Variants in BTBD8 observed in about 807,000 individuals in gnomAD.
BTBD8 encodes BTB domain containing 8, also known as BTB/POZ domain-containing protein 8.
BTBD8 carries 110 observed loss-of-function variants against 162.9 expected under a neutral mutation model. The observed-to-expected ratio is 0.68, with a 90% confidence interval of 0.58 to 0.79. The LOEUF (loss-of-function observed/expected upper bound fraction) is 0.79. Among genes scored for constraint, BTBD8 ranks in the 30% least tolerant of loss-of-function variants. BTBD8 has a pLI of 0.00. For synonymous variants in BTBD8, 667 were observed against 716.1 expected, an observed-to-expected ratio of 0.93 and a Z score of 1.10; for missense variants, 1,905 against 2,085.4, an observed-to-expected ratio of 0.91 and a Z score of 1.68.
chr1:92,089,768 T>C (rs560491152), intron 2 of BTBD8, among the ~76,000 whole-genome samples: 22 of 152,174 alleles, frequency 1.4e-4, no homozygotes, highest in South Asian at 1.2e-3. Flanking sequence ...TACCACCACA[T>C]TGGGGATTAA....
rs546833687 is a variant in BTBD8 at position 92,099,525 on chromosome 1, G to A, written c.348-2948G>A. ...TTAACAATATTAAGTCATCTAATCCGTGAACACGAGATGTGTTTCCATTTA... is the reference window on the plus strand; with the variant it reads ...TTAACAATATTAAGTCATCTAATCCATGAACACGAGATGTGTTTCCATTTA... On this transcript the variant is annotated intron_variant, in intron 2 of 17. Transcript: ENST00000636805. Among the ~76,000 whole-genome samples the A allele has an allele frequency of 6.0e-4, 91 of 151,670 alleles. 1 individual carries two copies. The highest frequency in any genetic ancestry group is 1.7e-3 in the African/African-American group (70 of 41,368).
At position 92,156,395 on chromosome 1, in the gene BTBD8, A is replaced by G. The variant is rs150929870; in HGVS notation, c.1122+8609A>G. ...CCTATAATTTTTCTTTTCTTGTGGT[A>G]TTCTTATGTGGCTTTGGTGTCAGAG... On this transcript the variant is annotated intron_variant, in intron 9 of 17. Coordinates refer to ENST00000636805, the MANE Select transcript of BTBD8 (RefSeq NM_001376131.1). Among the ~76,000 whole-genome samples the G allele has an allele frequency of 1.1e-4, 16 of 152,194 alleles. No homozygotes were observed. The East Asian group carries it at 3.1e-3, about 29-fold the overall frequency.
chr1:92,091,036 T>G (rs1648281422), intron 2 of BTBD8, among the ~76,000 whole-genome samples: 2 of 152,222 alleles, frequency 1.3e-5, no homozygotes, highest in Non-Finnish European at 2.9e-5. Context: ...TCTAGGGTTT[T>G]GAAGATTTAC....
At position 92,181,961 on chromosome 1, in the gene BTBD8, T is replaced by A; in HGVS notation, c.4278T>A (p.Arg1426=). The change falls in exon 17 of 18, where the codon CGT becomes CGA. Residue 1426 remains arginine, a synonymous_variant. Transcript: ENST00000636805. Reference sequence around the variant, plus strand: ...AAGATGCAACTGAAAATGAATGTCGTGAATTTTCTGCAACTAAAAAGTTTA... The same window carrying A: ...AAGATGCAACTGAAAATGAATGTCGAGAATTTTCTGCAACTAAAAAGTTTA... ...AFEDATENEC[R]EFSATKKFKR... 1.3e-6 allele frequency: 2 copies of A among 1,551,662 alleles called. No homozygotes were observed. The highest frequency in any genetic ancestry group is 1.7e-6 in the Non-Finnish European group (2 of 1,146,940).
At chr1:92,172,812 G>C (rs1444663985) in intron 13 of BTBD8, among the ~76,000 whole-genome samples, 2 of 152,216 alleles carry the variant, frequency 1.3e-5, no homozygotes, top group African/African-American at 4.8e-5. Context: ...GAGAAACTGG[G>C]AGACTGGAGT....
chr1:92,127,435 C>T (rs186774729), intron 4 of BTBD8, among the ~76,000 whole-genome samples: 225 of 152,208 alleles, frequency 1.5e-3, no homozygotes, highest in African/African-American at 5.0e-3. Context: ...TCAGTTGGAA[C>T]GAAAGTCATA....
intron 2 of BTBD8, among the ~76,000 whole-genome samples, chr1:92,095,128 C>G (rs1648411756): frequency 6.6e-6 from 1 of 152,150 alleles, no homozygotes. Context: ...AGTACATGGA[C>G]CCACCTATAT....
intron 1 of BTBD8, among the ~76,000 whole-genome samples, chr1:92,086,954 C>T (rs1278856422): frequency 1.3e-5 from 2 of 152,126 alleles, no homozygotes; most frequent in Admixed American, 1.3e-4. Flanking sequence ...TAGGTGAATA[C>T]AGTAGTGGGC....
At chr1:92,138,370 A>C (rs1649683470) in intron 5 of BTBD8, among the ~76,000 whole-genome samples, 1 of 152,244 alleles carries the variant, frequency 6.6e-6, no homozygotes, top group Non-Finnish European at 1.5e-5. Flanking sequence ...CAAAGGTGTC[A>C]CTATCTCTCA....
In BTBD8 at chr1:92,088,523, G is replaced by A. The variant is rs533198608; in HGVS notation, c.150-175G>A. Among the ~76,000 whole-genome samples, 3 of 152,190 alleles carry A rather than the reference G, an allele frequency of 2.0e-5. No individual in the cohort carries two copies. In the South Asian group the frequency reaches 6.2e-4, roughly 32 times the overall value. ...TGAATTTTAGAAAATTAGGCTCTAA[G>A]CCAATGTTAAACAATGTTTTTTGGA... is the stretch of plus-strand genomic sequence containing the variant. On this transcript the variant is annotated intron_variant, in intron 1 of 17. Coordinates refer to ENST00000636805, the MANE Select transcript of BTBD8 (RefSeq NM_001376131.1).
At chr1:92,156,517 C>CAGAATTCAGTAATGAAGCCATCAGT in intron 9 of BTBD8, among the ~76,000 whole-genome samples, 2 of 152,070 alleles carry the variant, frequency 1.3e-5, no homozygotes, top group Admixed American at 6.5e-5. Flanking sequence ...CTTTAACTAG[C>CAGAATTCAGTAATGAAGCCATCAGT]AGAATTCAGT....
Position 92,181,262 on chromosome 1 carries a change from A to C in BTBD8, c.3579A>C (p.Ala1193=), listed in dbSNP as rs944637323. The change falls in exon 17 of 18, where the codon GCA becomes GCC. Residue 1193 remains alanine (A), a synonymous_variant. Coordinates refer to ENST00000636805, the MANE Select transcript of BTBD8 (RefSeq NM_001376131.1). ...SAMDEDKHAT[A]DSDVSSKCFS... ...TGGATGAAGACAAACATGCTACAGCAGACTCAGATGTATCTTCCAAGTGTT... is the reference window on the plus strand; with the variant it reads ...TGGATGAAGACAAACATGCTACAGCCGACTCAGATGTATCTTCCAAGTGTT... 6.4e-7 allele frequency: 1 copy of C among 1,551,782 alleles called. No homozygotes were observed.
rs374299195 is a variant in BTBD8, at chr1:92,178,404, C to T, written c.2534C>T (p.Ala845Val). 4.5e-6 allele frequency: 7 copies of T among 1,551,260 alleles called. No homozygotes were observed. Among genetic ancestry groups the T allele is most frequent in the African/African-American group, 2.7e-5 (2 of 73,038 alleles). ...GGAACTAGCAATGGATGTACTGCAG[C>T]TCAGCAGAGGACAAAGAGTACCCCA... is the stretch of plus-strand genomic sequence containing the variant. ...KRGTSNGCTA[A>V]QQRTKSTPSN... The change falls in exon 16 of 18, where the codon GCT (alanine) becomes GTT (valine). Residue 845 changes from alanine (A) to valine (V), a missense_variant. Transcript: ENST00000636805.
At chr1:92,171,814 G>A (rs753815526) in intron 13 of BTBD8, among the ~76,000 whole-genome samples, 2 of 152,220 alleles carry the variant, frequency 1.3e-5, no homozygotes, top group Non-Finnish European at 2.9e-5. Context: ...TTTTAGGCTA[G>A]GCATGGTGGC....
At chr1:92,127,082 C>A (rs959055845) in intron 4 of BTBD8, among the ~76,000 whole-genome samples, 1 of 151,920 alleles carries the variant, frequency 6.6e-6, no homozygotes, top group Non-Finnish European at 1.5e-5. Context: ...GCTAATTTGC[C>A]TGGTTTTGTT....
intron 9 of BTBD8, among the ~76,000 whole-genome samples, chr1:92,160,961 G>C (rs546321108): frequency 1.3e-5 from 2 of 152,298 alleles, no homozygotes; most frequent in East Asian, 3.9e-4. Flanking sequence ...CCCTGGAAAA[G>C]TTGGGATGTT....
intron 4 of BTBD8, among the ~76,000 whole-genome samples, chr1:92,124,602 A>C (rs1649303643): frequency 6.6e-6 from 1 of 152,188 alleles, no homozygotes; most frequent in African/African-American, 2.4e-5. Context: ...AAAAAGAAAG[A>C]GTGAGGGTGA....
intron 5 of BTBD8, among the ~76,000 whole-genome samples, chr1:92,133,988 C>A (rs952220333): frequency 6.7e-6 from 1 of 150,084 alleles, no homozygotes; most frequent in Non-Finnish European, 1.5e-5. Flanking sequence ...AAAAAGAATT[C>A]TATGATCCTA....
chr1:92,125,666 A>T, intron 4 of BTBD8: 1 of 340,586 alleles, frequency 2.9e-6, no homozygotes, highest in South Asian at 2.7e-5. Context: ...CCAAAAGATT[A>T]TAAGATTATA....
Sources: gnomAD v4.1 joint callset for allele counts (sites outside exome capture counted in the v4.1 genomes callset) on GRCh38, gnomAD v4.1.1 for gene constraint, MANE v1.5 for transcripts, NCBI Gene and HGNC (gene_info 2026-07-23, HGNC 2026-07-21) for gene names.